The following SGSH variants were observed in gnomAD, a reference collection of about 807,000 sequenced individuals.
The protein encoded by SGSH is heparan sulfate sulfatase.
SGSH carries 48 observed loss-of-function variants against 51.0 expected under a neutral mutation model. The observed-to-expected ratio is 0.94, with a 90% CI of 0.75 to 1.20. The LOEUF (loss-of-function observed/expected upper bound fraction) is 1.20, where lower values mean the gene tolerates loss of function less well. SGSH is among the 50% of genes most tolerant of loss of function. The pLI is 0.00. For synonymous variants in SGSH, 321 were observed against 313.4 expected (o/e 1.02, Z -0.26); for missense variants, 662 against 717.8 (o/e 0.92, Z 0.89).
downstream of SGSH, chr17:80,204,142 C>T: frequency 7.3e-7 from 1 of 1,361,078 alleles, no homozygotes. Flanking sequence ...CCAGGTCGCC[C>T]TAGTGCCAAT....
downstream of SGSH, chr17:80,202,339 G>A (rs1426788108): frequency 6.2e-7 from 1 of 1,613,438 alleles, no homozygotes. Flanking sequence ...TTCCAGGGCT[G>A]CGGCTGCTGG....
chr17:80,213,704 G>T lies in SGSH; in HGVS notation c.745+100C>A. 9.5e-7 allele frequency: 1 copy of T among 1,049,638 alleles called. No individual in the cohort carries two copies. The highest frequency in any genetic ancestry group is 1.4e-6 in the Non-Finnish European group (1 of 705,498). The allele number at this position is 1,049,638 out of a possible 1,614,324, so 65.0% of individuals were successfully genotyped here. The stretch of plus-strand genomic sequence containing the variant: ...TGCAGCACAGGGCCTGCCACACTGG[G>T]ACCCTCACCCACATTATGCCGTGAC... On this transcript the variant is annotated intron_variant, in intron 6 of 7. Coordinates refer to ENST00000326317, the MANE Select transcript of SGSH (RefSeq NM_000199.5). The surrounding 1 kb of genome is among the most constrained non-coding windows in gnomAD (Gnocchi z 4.6).
At position 80,210,794 on chromosome 17, in the gene SGSH, G is replaced by T. The variant is rs764057581; in HGVS notation, c.1167C>A (p.Asn389Lys). ...TGGGAAAGGGCATCTTGAAGTTGAG[G>T]TTGTGCACGAGGCGGAAGTGCCGGT... ...VQHRHFRLVH[N>K]LNFKMPFPID... Residue 389 changes from asparagine (N) to lysine (K), a missense_variant, in exon 8 of 8, where the codon AAC (asparagine) becomes AAA (lysine). Physicochemically the swap from Asn to Lys is moderately conservative, Grantham distance 94. Coordinates refer to ENST00000326317, the MANE Select transcript of SGSH (RefSeq NM_000199.5). 1.8e-5 allele frequency: 29 copies of T among 1,614,084 alleles called. No individual in the cohort carries two copies. The highest frequency in any genetic ancestry group is 2.5e-5 in the Non-Finnish European group (29 of 1,180,034).
downstream of SGSH, chr17:80,202,140 T>TATCTGTGGCTC: frequency 1.3e-6 from 2 of 1,548,956 alleles, no homozygotes; most frequent in Non-Finnish European, 1.8e-6. Flanking sequence ...CAGAGGCTCG[T>TATCTGTGGCTC]ATCTGTGGCT....
Position 80,212,026 on chromosome 17 carries a change from G to T in SGSH, c.949+45C>A. On this transcript the variant is annotated intron_variant, in intron 7 of 7. Transcript: ENST00000326317. The surrounding 1 kb of genome is among the most constrained non-coding windows in gnomAD (Gnocchi z 5.9). ...TCTGACAGGTCATGGCCCCGTCCCA[G>T]ATCCACTCCCACACCTTTCCTGACG... 1 of 1,540,082 alleles carries T rather than the reference G, an allele frequency of 6.5e-7. No individual in the cohort carries two copies. The highest frequency in any genetic ancestry group is 9.0e-7 in the Non-Finnish European group (1 of 1,114,124).
In SGSH at chr17:80,210,832, G is replaced by A. The variant is rs772311757; in HGVS notation, c.1129C>T (p.Arg377Cys). The A allele has an allele frequency of 1.4e-5, 23 of 1,613,882 alleles. No individual in the cohort carries two copies. The highest frequency in any genetic ancestry group is 1.3e-4 in the South Asian group (12 of 91,090). The change falls in exon 8 of 8, where the codon CGC becomes TGC. Residue 377 changes from arginine (R) to cysteine (C), a missense_variant. Transcript: ENST00000326317. ...CGGAAGTGCCGGTGCTGCACGGAGC[G>A]CATGGGGTAGGACATGGTGACCTCG... ...HHEVTMSYPM[R>C]SVQHRHFRLV...
downstream of SGSH, chr17:80,203,879 C>T: frequency 1.3e-6 from 2 of 1,595,694 alleles, no homozygotes; most frequent in Non-Finnish European, 1.7e-6. This position sits in a 1 kb window ranked among gnomAD's most constrained non-coding sequence, Gnocchi z 4.6. Flanking sequence ...GCACCGTGAC[C>T]CGCAAGGTGA....
rs767227727 is a variant in SGSH, at chr17:80,217,192, G to T, written c.89C>A (p.Ala30Glu). Residue 30 changes from alanine to glutamate, a missense_variant and splice_region_variant, in exon 2 of 8, where the codon GCG becomes GAG. By Grantham distance (107) the Ala-to-Glu change is moderately radical (BLOSUM62 -1). Transcript: ENST00000326317. ...ARPRNALLLL[A>E]DDGGFESGAY... ...GCCACTCTCAAAGCCTCCGTCATCCGCTGCGTGAGGTGGGAGACAGAGAGT... is the reference window on the plus strand; with the variant it reads ...GCCACTCTCAAAGCCTCCGTCATCCTCTGCGTGAGGTGGGAGACAGAGAGT... The T allele has an allele frequency of 2.5e-6, 4 of 1,597,384 alleles. No individual in the cohort carries two copies. The highest frequency in any genetic ancestry group is 3.4e-6 in the Non-Finnish European group (4 of 1,176,498).
downstream of SGSH, chr17:80,205,443 G>C: frequency 6.6e-7 from 1 of 1,515,630 alleles, no homozygotes; most frequent in Non-Finnish European, 8.9e-7. Context: ...TGCTGGCAGG[G>C]TTCACGGGGA....
At position 80,216,865 on chromosome 17, in the gene SGSH, C is replaced by T. The variant is rs2041909281; in HGVS notation, c.249+167G>A. 3.0e-5 allele frequency: 20 copies of T among 675,450 alleles called. No homozygotes were observed. The South Asian group carries it at 3.8e-4, about 13-fold the overall frequency. 41.8% of individuals were successfully genotyped at this position (675,450 alleles called of 1,614,324 possible). Reference sequence around the variant, plus strand: ...CAGGGCTGGCGGGTGAGTCGGAGCCCCTAGTCTGCACTCACAGCCATAGGC... The same window carrying T: ...CAGGGCTGGCGGGTGAGTCGGAGCCTCTAGTCTGCACTCACAGCCATAGGC... On this transcript the variant is annotated intron_variant, in intron 2 of 7. Coordinates refer to ENST00000326317, the MANE Select transcript of SGSH (RefSeq NM_000199.5).
At chr17:80,205,358 G>A, downstream of SGSH, 1 of 1,148,174 alleles carries the variant, frequency 8.7e-7, no homozygotes, top group Non-Finnish European at 1.2e-6. Flanking sequence ...AGTTCAGGAT[G>A]GAGGTGCAGG....
downstream of SGSH, among the ~76,000 whole-genome samples, chr17:80,206,349 C>A (rs1013772879): frequency 6.6e-6 from 1 of 152,124 alleles, no homozygotes; most frequent in Non-Finnish European, 1.5e-5. Flanking sequence ...CACAGTGGCT[C>A]GCGCCTGTAA....
rs2041763166 is a variant in SGSH at position 80,213,693 on chromosome 17, T to C, written c.745+111A>G. 2.1e-6 allele frequency: 2 copies of C among 973,852 alleles called. No individual in the cohort carries two copies. The highest frequency in any genetic ancestry group is 5.2e-5 in the East Asian group (2 of 38,236). The allele number at this position is 973,852 out of a possible 1,614,324, so 60.3% of individuals were successfully genotyped here. On this transcript the variant is annotated intron_variant, in intron 6 of 7. Coordinates refer to ENST00000326317, the MANE Select transcript of SGSH (RefSeq NM_000199.5). This position sits in a 1 kb window ranked among gnomAD's most constrained non-coding sequence, Gnocchi z 4.6. The stretch of plus-strand genomic sequence containing the variant: ...GCTCTGCCAGCTGCAGCACAGGGCC[T>C]GCCACACTGGGACCCTCACCCACAT...
downstream of SGSH, chr17:80,209,142 CG>C (rs200817193): frequency 2.2e-3 from 462 of 214,884 alleles, 6 homozygotes; most frequent in South Asian, 0.025. Flanking sequence ...CTTCAGGGCT[CG>C]GGGAGGACCC....
rs1359355384 is a variant in SGSH at position 80,217,686 on chromosome 17, A to T, written c.89-494T>A. 2.0e-5 allele frequency among the ~76,000 whole-genome samples: 3 copies of T among 149,468 alleles called. No individual in the cohort carries two copies. In the East Asian group the frequency reaches 5.9e-4, roughly 29 times the overall value. On this transcript the variant is annotated intron_variant, in intron 1 of 7. Transcript: ENST00000326317. ...CATGGTATGGAGGCTGGACTGATAG[A>T]TGGTGGGTATAAGCAGGTAGGCATG...
At chr17:80,202,319 C>T (rs539561719), downstream of SGSH, 21 of 1,613,702 alleles carry the variant, frequency 1.3e-5, no homozygotes, top group South Asian at 1.1e-4. Context: ...TGCACGTCAC[C>T]GACACCATGT....
chr17:80,214,757 C>A lies in SGSH; in HGVS notation c.364G>T (p.Gly122Trp). The A allele has an allele frequency of 6.2e-7, 1 of 1,611,972 alleles. No individual in the cohort carries two copies. Among genetic ancestry groups the A allele is most frequent in the Non-Finnish European group, 8.5e-7 (1 of 1,180,014 alleles). ...SQAGVRTGIIGKKHVGPETVY... is the reference protein window; with the variant it reads ...SQAGVRTGIIWKKHVGPETVY... Reference sequence around the variant, plus strand: ...GTCTCCGGCCCCACGTGCTTCTTCCCGATGATGCCTGGGCGGGAAGAGAGG... The same window carrying A: ...GTCTCCGGCCCCACGTGCTTCTTCCAGATGATGCCTGGGCGGGAAGAGAGG... Residue 122 changes from glycine to tryptophan, a missense_variant, in exon 4 of 8, where the codon GGG becomes TGG. Physicochemically the swap from Gly to Trp is radical, Grantham distance 184 (BLOSUM62 -2). Coordinates refer to ENST00000326317, the MANE Select transcript of SGSH (RefSeq NM_000199.5).
In SGSH at chr17:80,212,509, T is replaced by G; in HGVS notation, c.746-235A>C. The G allele has an allele frequency of 1.7e-6, 1 of 578,868 alleles. No individual in the cohort carries two copies. Among genetic ancestry groups the G allele is most frequent in the Non-Finnish European group, 3.1e-6 (1 of 319,214 alleles). The allele number at this position is 578,868 out of a possible 1,614,324, so 35.9% of individuals were successfully genotyped here. On this transcript the variant is annotated intron_variant, in intron 6 of 7. Coordinates refer to ENST00000326317, the MANE Select transcript of SGSH (RefSeq NM_000199.5). The surrounding 1 kb of genome is among the most constrained non-coding windows in gnomAD (Gnocchi z 5.9). ...AATGGGCCTCCAGGGACTCCAGCCA[T>G]CCCTTGGCACTTCTGTGTCACCCCC...
At chr17:80,207,884 A>C (rs2041426533), downstream of SGSH, among the ~76,000 whole-genome samples, 1 of 151,940 alleles carries the variant, frequency 6.6e-6, no homozygotes, top group Non-Finnish European at 1.5e-5. Flanking sequence ...AAAAGTAAAA[A>C]AATTACTTGG....
Sources: gnomAD v4.1 joint callset for allele counts (sites outside exome capture counted in the v4.1 genomes callset) on GRCh38, gnomAD v4.1.1 for gene constraint, Gnocchi (gnomAD v3.1) non-coding constraint, MANE v1.5 for transcripts, NCBI Gene and HGNC (gene_info 2026-07-23, HGNC 2026-07-21) for gene names.